FRMPD4: variants seen among roughly 807,000 people sequenced by gnomAD.
FRMPD4 encodes FERM and PDZ domain-containing protein 4.
Under a neutral mutation model 94.1 loss-of-function variants are expected in FRMPD4, and 22 were observed. The observed-to-expected ratio is 0.23, with a 90% CI of 0.17 to 0.33. FRMPD4 has a LOEUF of 0.33. Among genes scored for constraint, FRMPD4 ranks in the 10% least tolerant of loss-of-function variants. The pLI, the probability that FRMPD4 is intolerant of heterozygous loss-of-function variation, is 1.00. For missense variants in FRMPD4, 1,111 were observed against 1,339.9 expected (o/e 0.83, Z 2.67); for synonymous variants, 631 against 548.6 (o/e 1.15, Z -2.10).
intron 3 of FRMPD4, among the ~76,000 whole-genome samples, chrX:11,948,090 C>CAAAAAAAAAAAAAAAAAAAAAAAAAAA (rs11367252): frequency 1.8e-5 from 1 of 56,590 alleles, no homozygotes; most frequent in Non-Finnish European, 3.2e-5. Context: ...AACTCCATCA[C>CAAAAAAAAAAAAAAAAAAAAAAAAAAA]AAAAAAAAAA....
intron 1 of FRMPD4, among the ~76,000 whole-genome samples, chrX:12,348,956 A>T (rs1275798655): frequency 8.9e-6 from 1 of 112,641 alleles, no homozygotes; most frequent in Non-Finnish European, 1.9e-5. Flanking sequence ...TCGATATGGA[A>T]TTGTCACAAT....
chrX:12,566,432 C>T (rs1569340574), intron 2 of FRMPD4, among the ~76,000 whole-genome samples: 2 of 111,038 alleles, frequency 1.8e-5, no homozygotes, highest in African/African-American at 3.3e-5. Flanking sequence ...ATGACTGCCC[C>T]CTGAGTACTC....
chrX:12,221,719 A>G (rs1356778009), intron 1 of FRMPD4, among the ~76,000 whole-genome samples: 2 of 112,019 alleles, frequency 1.8e-5, no homozygotes, highest in Non-Finnish European at 3.8e-5. Flanking sequence ...GCCTTCATGA[A>G]GAGGAAATAT....
chrX:12,534,310 G>A (rs187923196), intron 2 of FRMPD4, among the ~76,000 whole-genome samples: 2 of 112,766 alleles, frequency 1.8e-5, no homozygotes, highest in African/African-American at 6.4e-5. Flanking sequence ...TTGCTGCAGG[G>A]GTGGGACCCT....
Position 12,683,564 on chromosome X carries a change from G to A in FRMPD4, c.550G>A (p.Val184Ile). 8.6e-7 allele frequency: 1 copy of A among 1,164,765 alleles called. No individual in the cohort carries two copies. Residue 184 changes from valine to isoleucine, a missense_variant, in exon 6 of 17, where the codon GTC becomes ATC. Transcript: ENST00000675598. The stretch of plus-strand genomic sequence containing the variant: ...TGTCAAAGTACGCTTCTCTGAGGAG[G>A]TCATCATCAACGGCCAAGTGTCGGT... ...NPVKVRFSEE[V>I]IINGQVSETV...
chrX:12,019,393 GTC>G (rs201730250), intron 3 of FRMPD4, among the ~76,000 whole-genome samples: 181 of 107,814 alleles, frequency 1.7e-3, no homozygotes, highest in African/African-American at 5.9e-3. Flanking sequence ...TCTAACCAGT[GTC>G]TCTCTCTCTC....
At chrX:12,656,338 C>T (rs2059655822) in intron 4 of FRMPD4, among the ~76,000 whole-genome samples, 1 of 112,269 alleles carries the variant, frequency 8.9e-6, no homozygotes, top group Non-Finnish European at 1.9e-5. Context: ...ACCAATTCCA[C>T]TCCTAAGTAT....
intron 3 of FRMPD4, among the ~76,000 whole-genome samples, chrX:12,051,754 A>G (rs1332658343): frequency 9.0e-6 from 1 of 110,840 alleles, no homozygotes; most frequent in African/African-American, 3.3e-5. Context: ...TTCACCCTCC[A>G]TCCATCTGTT....
At chrX:12,274,134 AT>A (rs67955270) in intron 1 of FRMPD4, among the ~76,000 whole-genome samples, 15,344 of 105,205 alleles carry the variant, frequency 0.15, 969 homozygotes, top group East Asian at 0.35. Flanking sequence ...GGCCTCTAGG[AT>A]TTTTTTTTTT....
chrX:12,022,537 A>G (rs751599863), intron 3 of FRMPD4, among the ~76,000 whole-genome samples: 10 of 111,869 alleles, frequency 8.9e-5, no homozygotes, highest in Non-Finnish European at 1.9e-5. Context: ...GGGCTGGGAC[A>G]TGATGCACCC....
intron 3 of FRMPD4, among the ~76,000 whole-genome samples, chrX:11,950,080 G>A (rs1337512045): frequency 9.0e-6 from 1 of 111,361 alleles, no homozygotes; most frequent in Non-Finnish European, 1.9e-5. Flanking sequence ...CCAGGTGGAG[G>A]TAGTTGGATC....
At chrX:12,687,037 T>A (rs1431495290) in intron 7 of FRMPD4, among the ~76,000 whole-genome samples, 1 of 111,711 alleles carries the variant, frequency 9.0e-6, no homozygotes, top group Non-Finnish European at 1.9e-5. Flanking sequence ...ATATCAACCC[T>A]CTGTTAAAAA....
At chrX:12,459,094 G>A (rs1050138016) in intron 1 of FRMPD4, among the ~76,000 whole-genome samples, 1 of 111,555 alleles carries the variant, frequency 9.0e-6, no homozygotes, top group Admixed American at 9.5e-5. Flanking sequence ...TCCAAACAGA[G>A]AAAGTACTTC....
chrX:12,256,335 G>A (rs1157984247), intron 1 of FRMPD4, among the ~76,000 whole-genome samples: 1 of 111,834 alleles, frequency 8.9e-6, no homozygotes, highest in East Asian at 2.8e-4. Flanking sequence ...ATAGACTAGG[G>A]CTATATGTCA....
intron 4 of FRMPD4, among the ~76,000 whole-genome samples, chrX:12,674,605 T>C (rs2059876992): frequency 8.9e-6 from 1 of 112,245 alleles, no homozygotes; most frequent in South Asian, 3.7e-4. Flanking sequence ...TCCTGCTGTT[T>C]GACAGCACAG....
chrX:12,237,485 C>G (rs945216268), intron 1 of FRMPD4, among the ~76,000 whole-genome samples: 5 of 112,129 alleles, frequency 4.5e-5, no homozygotes, highest in African/African-American at 1.6e-4. Flanking sequence ...TTCAATTAAA[C>G]TCATTTCAAT....
intron 3 of FRMPD4, among the ~76,000 whole-genome samples, chrX:11,918,037 C>G (rs940461452): frequency 8.9e-6 from 1 of 111,737 alleles, no homozygotes. Context: ...TGTTGAGGCT[C>G]TGGACTAAAC....
Position 11,891,454 on chromosome X carries a change from G to A in FRMPD4, c.95+13436G>A, listed in dbSNP as rs907748595. Among the ~76,000 whole-genome samples the A allele has an allele frequency of 1.9e-4, 21 of 112,540 alleles. 1 individual carries two copies. Among genetic ancestry groups the A allele is most frequent in the Admixed American group, 3.7e-4 (4 of 10,673 alleles). ...ACTCCTCTTCCTAGACCCAGAAGCC[G>A]AGGGGAGAGGGGGCCAAGAAAGCAA... On this transcript the variant is annotated intron_variant, in intron 3 of 18. Coordinates refer to the FRMPD4 transcript ENST00000640291.
At chrX:12,540,822 T>C (rs139203086) in intron 2 of FRMPD4, among the ~76,000 whole-genome samples, 4,100 of 111,620 alleles carry the variant, frequency 0.037, 183 homozygotes, top group African/African-American at 0.12. Flanking sequence ...TATTCCAAAA[T>C]TGACCACATA....
Sources: allele counts gnomAD v4.1 joint callset (sites outside exome capture counted in the v4.1 genomes callset), GRCh38; gene constraint gnomAD v4.1.1; transcripts MANE v1.5; gene names NCBI Gene and HGNC (gene_info 2026-07-23, HGNC 2026-07-21).